FAM221B: variants seen among roughly 807,000 people sequenced by gnomAD.
FAM221B encodes family with sequence similarity 221 member B.
FAM221B carries 35 observed loss-of-function variants against 39.8 expected under a neutral mutation model. That is an observed-to-expected ratio of 0.88 (90% CI 0.67 to 1.17). The LOEUF (loss-of-function observed/expected upper bound fraction) is 1.17, where lower values mean the gene tolerates loss of function less well. FAM221B is among the 50% of genes most tolerant of loss of function. The pLI is 0.00. For synonymous variants in FAM221B, 158 were observed against 178.1 expected, an observed-to-expected ratio of 0.89 and a Z score of 0.90; for missense variants, 479 against 503.1, an observed-to-expected ratio of 0.95 and a Z score of 0.46.
intron 3 of FAM221B, among the ~76,000 whole-genome samples, chr9:35,824,960 C>T (rs1487888844): frequency 2.0e-5 from 3 of 152,288 alleles, no homozygotes; most frequent in African/African-American, 7.2e-5. Context: ...GGATTACAGG[C>T]GTGAGCCACC....
intron 3 of FAM221B, among the ~76,000 whole-genome samples, chr9:35,822,240 A>G (rs535537835): frequency 2.0e-5 from 3 of 152,166 alleles, no homozygotes; most frequent in Admixed American, 6.5e-5. Context: ...CCTACCAAGC[A>G]TCTACCCTTT....
chr9:35,825,327 C>T lies in FAM221B; in HGVS notation c.645G>A (p.Val215=). 1 of 1,614,264 alleles carries T rather than the reference C, an allele frequency of 6.2e-7. No homozygotes were observed. Among genetic ancestry groups the T allele is most frequent in the Non-Finnish European group, 8.5e-7 (1 of 1,180,046 alleles). ...CTCTATGCATTGCCTTAGCCACTTC[C>T]ACCAGCTCTGTCTGCCTAGCAGGGA... is the stretch of plus-strand genomic sequence containing the variant. ...PVFPARQTEL[V]EVAKAMHREE... is the part of the protein sequence containing the mutation. The change falls in exon 3 of 7, where the codon GTG becomes GTA. Residue 215 remains valine, a synonymous_variant. Coordinates refer to ENST00000423537, the MANE Select transcript of FAM221B (RefSeq NM_001012446.4). The surrounding 1 kb of genome is among the most constrained non-coding windows in gnomAD (Gnocchi z 4.2).
intron 1 of FAM221B, chr9:35,827,042 G>C (rs1270281164): frequency 6.6e-6 from 1 of 152,264 alleles, no homozygotes; most frequent in African/African-American, 2.4e-5. Context: ...CCTGACCTCA[G>C]GTGATCTGCC....
At chr9:35,822,913 T>A (rs563159327) in intron 3 of FAM221B, among the ~76,000 whole-genome samples, 99 of 152,352 alleles carry the variant, frequency 6.5e-4, no homozygotes, top group South Asian at 1.2e-3. Context: ...ATTGTCCTAC[T>A]TAAAACCTTC....
At chr9:35,822,574 AT>A (rs1408094741) in intron 3 of FAM221B, among the ~76,000 whole-genome samples, 3 of 151,814 alleles carry the variant, frequency 2.0e-5, no homozygotes, top group African/African-American at 7.3e-5. Flanking sequence ...CACCCGGCTA[AT>A]TTTTTGTATT....
At position 35,826,101 on chromosome 9, in the gene FAM221B, G is replaced by C. The variant is rs1177191146; in HGVS notation, c.61C>G (p.Pro21Ala). Residue 21 changes from proline (P) to alanine (A), a missense_variant, in exon 2 of 7, where the codon CCT (proline) becomes GCT (alanine). Coordinates refer to ENST00000423537, the MANE Select transcript of FAM221B (RefSeq NM_001012446.4). ...HITMDAEKHPPSKDPSAEDLQ... is the reference protein window; with the variant it reads ...HITMDAEKHPASKDPSAEDLQ... Reference sequence around the variant, plus strand: ...TCCTCAGCAGAGGGGTCCTTTGAAGGGGGGTGCTTCTCTGCATCCATGGTG... The same window carrying C: ...TCCTCAGCAGAGGGGTCCTTTGAAGCGGGGTGCTTCTCTGCATCCATGGTG... 3.7e-6 allele frequency: 6 copies of C among 1,612,402 alleles called. No individual in the cohort carries two copies. Among genetic ancestry groups the C allele is most frequent in the Middle Eastern group, 1.6e-4 (1 of 6,066 alleles).
In FAM221B at chr9:35,818,513, G is replaced by C. The variant is rs1039341796; in HGVS notation, c.1172-7C>G. On this transcript the variant is annotated splice_polypyrimidine_tract_variant and splice_region_variant and intron_variant, in intron 6 of 6. Transcript: ENST00000423537. Reference sequence around the variant, plus strand: ...TTGCTGACAGTGTCTGTCCCTGGAGGAAGAAAGAGCAGAGGTGAAAGGGTC... The same window carrying C: ...TTGCTGACAGTGTCTGTCCCTGGAGCAAGAAAGAGCAGAGGTGAAAGGGTC... The C allele has an allele frequency of 1.3e-6, 2 of 1,551,596 alleles. No individual in the cohort carries two copies. Among genetic ancestry groups the C allele is most frequent in the African/African-American group, 1.4e-5 (1 of 73,068 alleles).
rs1829469758 is a variant in FAM221B at position 35,828,167 on chromosome 9, C to T, written c.-1+296G>A. ...ATTAGCTGGGCATGGTGGCAGGCGCCTGTAGTCCCAGCTACTGGGGAGGCT... is the reference window on the plus strand; with the variant it reads ...ATTAGCTGGGCATGGTGGCAGGCGCTTGTAGTCCCAGCTACTGGGGAGGCT... On this transcript the variant is annotated intron_variant, in intron 1 of 6. Transcript: ENST00000423537. The surrounding 1 kb of genome is among the most constrained non-coding windows in gnomAD (Gnocchi z 4.5). Among the ~76,000 whole-genome samples the T allele has an allele frequency of 6.6e-6, 1 of 152,170 alleles. No homozygotes were observed. Among genetic ancestry groups the T allele is most frequent in the African/African-American group, 2.4e-5 (1 of 41,438 alleles).
At chr9:35,824,244 T>C (rs1829233297) in intron 3 of FAM221B, among the ~76,000 whole-genome samples, 1 of 152,218 alleles carries the variant, frequency 6.6e-6, no homozygotes, top group African/African-American at 2.4e-5. Flanking sequence ...ACCAGAATCC[T>C]TATAGCAGGT....
intron 4 of FAM221B, 101 bp downstream of exon 4, chr9:35,819,789 G>T: frequency 3.8e-6 from 3 of 791,558 alleles, no homozygotes; most frequent in Non-Finnish European, 6.2e-6. Flanking sequence ...ACAGGGGTGA[G>T]CCACCGTGCC....
chr9:35,828,498 G>A lies in FAM221B; in HGVS notation c.-36C>T. ...TTGGCTTGGTTGTTACAAGTCCTTAGGTCAAGACCTTGACTTAGGATGGCA... is the reference window on the plus strand; with the variant it reads ...TTGGCTTGGTTGTTACAAGTCCTTAAGTCAAGACCTTGACTTAGGATGGCA... On this transcript the variant is annotated 5_prime_UTR_variant, in exon 1 of 7. Transcript: ENST00000423537. This position sits in a 1 kb window ranked among gnomAD's most constrained non-coding sequence, Gnocchi z 4.5. The A allele has an allele frequency of 1.0e-6, 1 of 985,432 alleles. No individual in the cohort carries two copies. Among genetic ancestry groups the A allele is most frequent in the Non-Finnish European group, 1.2e-6 (1 of 829,958 alleles). 61.0% of individuals were successfully genotyped at this position (985,432 alleles called of 1,614,324 possible).
chr9:35,818,220 A>T lies in FAM221B; in HGVS notation c.*249T>A. 1 of 541,512 alleles carries T rather than the reference A, an allele frequency of 1.8e-6. No homozygotes were observed. Among genetic ancestry groups the T allele is most frequent in the East Asian group, 3.1e-5 (1 of 32,292 alleles). 33.5% of individuals were successfully genotyped at this position (541,512 alleles called of 1,614,324 possible). On this transcript the variant is annotated 3_prime_UTR_variant, in exon 7 of 7. Transcript: ENST00000423537. Reference sequence around the variant, plus strand: ...TATTGGTGCCCCAACTGCATCTAACATCACTTCCCACTCTATCCTTCTTGA... The same window carrying T: ...TATTGGTGCCCCAACTGCATCTAACTTCACTTCCCACTCTATCCTTCTTGA...
chr9:35,819,016 C>A lies in FAM221B; in HGVS notation c.1052-7G>T, dbSNP rs1419564069. 1.0e-5 allele frequency: 16 copies of A among 1,551,548 alleles called. No individual in the cohort carries two copies. Among genetic ancestry groups the A allele is most frequent in the Non-Finnish European group, 1.4e-5 (16 of 1,146,988 alleles). Reference sequence around the variant, plus strand: ...AAACAGCCGCAGCAACAGCCTGGGGCAAAAGTGCAGCCAAGAAGAGTTTAG... The same window carrying A: ...AAACAGCCGCAGCAACAGCCTGGGGAAAAAGTGCAGCCAAGAAGAGTTTAG... On this transcript the variant is annotated splice_region_variant and splice_polypyrimidine_tract_variant and intron_variant, in intron 5 of 6. Coordinates refer to ENST00000423537, the MANE Select transcript of FAM221B (RefSeq NM_001012446.4).
chr9:35,818,893 G>A lies in FAM221B; in HGVS notation c.1168C>T (p.Arg390Cys), dbSNP rs565450544. ...CTGTCCCAGGTTTCTGCCTCACCGC[G>A]AGGCCTTCCTCCTCGTTGCCGGGTC... The part of the protein sequence containing the change: ...QKTRQRGGRP[R>C]GTDTVSNWHR... Residue 390 changes from arginine to cysteine, a missense_variant, in exon 6 of 7, where the codon CGC (arginine) becomes TGC (cysteine). Arg to Cys is a radical substitution (Grantham distance 180). Coordinates refer to ENST00000423537, the MANE Select transcript of FAM221B (RefSeq NM_001012446.4). 6.0e-5 allele frequency: 93 copies of A among 1,551,794 alleles called. 2 individuals carry two copies. The Middle Eastern group carries it at 6.7e-4, about 11-fold the overall frequency.
In FAM221B at chr9:35,820,005, G is replaced by A. The variant is rs1344390773; in HGVS notation, c.743-5C>T. On this transcript the variant is annotated splice_polypyrimidine_tract_variant and splice_region_variant and intron_variant, in intron 3 of 6. Transcript: ENST00000423537. ...AGCGCCAGCCAATGTAGAGACCTAGGTATGCAGGATTAAAAGTGAGAAGTA... is the reference window on the plus strand; with the variant it reads ...AGCGCCAGCCAATGTAGAGACCTAGATATGCAGGATTAAAAGTGAGAAGTA... 2 of 1,603,862 alleles carry A rather than the reference G, an allele frequency of 1.2e-6. No individual in the cohort carries two copies. The highest frequency in any genetic ancestry group is 1.7e-6 in the Non-Finnish European group (2 of 1,170,928).
chr9:35,824,442 T>C (rs1367326771), intron 3 of FAM221B, among the ~76,000 whole-genome samples: 1 of 152,146 alleles, frequency 6.6e-6, no homozygotes, highest in Non-Finnish European at 1.5e-5. Context: ...GACACAGGTC[T>C]CCCCTTTGGT....
Position 35,825,247 on chromosome 9 carries a change from A to C in FAM221B, c.725T>G (p.Leu242Arg), listed in dbSNP as rs1421941428. The part of the protein sequence containing the change: ...NLFQWEKDAA[L>R]NAIQTGLYIG... The stretch of plus-strand genomic sequence containing the variant: ...GGGCTCACCTGTCTGGATGGCATTC[A>C]GGGCTGCATCCTTCTCCCACTGGAA... Residue 242 changes from leucine to arginine, a missense_variant, in exon 3 of 7, where the codon CTG (leucine) becomes CGG (arginine). By Grantham distance (102) the Leu-to-Arg change is moderately radical. Transcript: ENST00000423537. This position sits in a 1 kb window ranked among gnomAD's most constrained non-coding sequence, Gnocchi z 4.2. 6.2e-7 allele frequency: 1 copy of C among 1,614,118 alleles called. No individual in the cohort carries two copies. Among genetic ancestry groups the C allele is most frequent in the African/African-American group, 1.3e-5 (1 of 74,938 alleles).
At chr9:35,824,772 C>T (rs1829270818) in intron 3 of FAM221B, among the ~76,000 whole-genome samples, 1 of 151,646 alleles carries the variant, frequency 6.6e-6, no homozygotes, top group African/African-American at 2.4e-5. Context: ...AGCTCCACCT[C>T]CCGGGTTCAC....
At position 35,819,267 on chromosome 9, in the gene FAM221B, C is replaced by A; in HGVS notation, c.981G>T (p.Arg327Ser). 6.4e-7 allele frequency: 1 copy of A among 1,551,720 alleles called. No homozygotes were observed. Among genetic ancestry groups the A allele is most frequent in the Non-Finnish European group, 8.7e-7 (1 of 1,146,992 alleles). ...RRATFDPKAW[R>S]AQCRCKHSHE... ...GGCTGTGTTTGCAGCGACATTGGGCCCTCCAGGCCTTGGGGTCAAAGGTGG... is the reference window on the plus strand; with the variant it reads ...GGCTGTGTTTGCAGCGACATTGGGCACTCCAGGCCTTGGGGTCAAAGGTGG... The change falls in exon 5 of 7, where the codon AGG becomes AGT. Residue 327 changes from arginine to serine, a missense_variant. Transcript: ENST00000423537.
Sources: allele counts gnomAD v4.1 joint callset (sites outside exome capture counted in the v4.1 genomes callset), GRCh38; gene constraint gnomAD v4.1.1; non-coding constraint Gnocchi (gnomAD v3.1); transcripts MANE v1.5; gene names NCBI Gene and HGNC (gene_info 2026-07-23, HGNC 2026-07-21).